The following TBC1D22A variants were observed in gnomAD, a reference collection of about 807,000 sequenced individuals.
TBC1D22A encodes the protein putative GTPase activator.
TBC1D22A carries 38 observed loss-of-function variants against 60.2 expected under a neutral mutation model. The ratio of observed to expected loss-of-function variants is 0.63; its 90% CI spans 0.49 to 0.83. TBC1D22A has a LOEUF of 0.83. Among genes scored for constraint, TBC1D22A ranks in the 40% least tolerant of loss-of-function variants. The probability of loss-of-function intolerance (pLI) is 0.00; values close to 1 mark genes in which losing one functional copy is unlikely to be tolerated. For synonymous variants in TBC1D22A, 302 were observed against 281.7 expected (o/e 1.07, Z -0.72); for missense variants, 628 against 701.0 (o/e 0.90, Z 1.18).
intron 12 of TBC1D22A, among the ~76,000 whole-genome samples, chr22:47,121,716 T>A (rs548975307): frequency 0.013 from 1,840 of 143,550 alleles, 36 homozygotes; most frequent in African/African-American, 0.048. Flanking sequence ...GAAAAAAAAT[T>A]TTTTTTTTTT....
rs561227717 is a variant in TBC1D22A, at chr22:47,154,188, G to A, written c.1426-19310G>A. Among the ~76,000 whole-genome samples, 273 of 152,224 alleles carry A rather than the reference G, an allele frequency of 1.8e-3. 1 individual carries two copies. Among genetic ancestry groups the A allele is most frequent in the Admixed American group, 4.6e-3 (71 of 15,302 alleles). On this transcript the variant is annotated intron_variant, in intron 12 of 12. Transcript: ENST00000337137. Reference sequence around the variant, plus strand: ...GCTGTTGAGGAACAGACATGTCCCCGGAGCAGGGCGGTCCTGTGTGCCCCT... The same window carrying A: ...GCTGTTGAGGAACAGACATGTCCCCAGAGCAGGGCGGTCCTGTGTGCCCCT...
At position 46,775,003 on chromosome 22, in the gene TBC1D22A, A is replaced by G. The variant is rs554655693; in HGVS notation, c.62+12155A>G. On this transcript the variant is annotated intron_variant, in intron 1 of 12. Transcript: ENST00000337137. ...TTTATCAAACATTTTTACTAAACTAAAAAATAAAATAGGCTTGCTGGCTCT... is the reference window on the plus strand; with the variant it reads ...TTTATCAAACATTTTTACTAAACTAGAAAATAAAATAGGCTTGCTGGCTCT... 5.9e-5 allele frequency among the ~76,000 whole-genome samples: 9 copies of G among 152,348 alleles called. No homozygotes were observed. The South Asian group carries it at 1.9e-3, about 32-fold the overall frequency.
intron 4 of TBC1D22A, among the ~76,000 whole-genome samples, chr22:46,854,553 T>C (rs2087468092): frequency 6.6e-6 from 1 of 152,092 alleles, no homozygotes; most frequent in Admixed American, 6.5e-5. Context: ...CCTGTTCTTG[T>C]TGTTTCCGGA....
At chr22:46,814,719 T>C (rs181607690) in intron 4 of TBC1D22A, among the ~76,000 whole-genome samples, 3 of 152,194 alleles carry the variant, frequency 2.0e-5, no homozygotes, top group Non-Finnish European at 2.9e-5. Flanking sequence ...AGGTCCCGGC[T>C]CACTGCAACC....
At chr22:47,102,564 T>A (rs1383887669) in intron 11 of TBC1D22A, among the ~76,000 whole-genome samples, 1 of 152,246 alleles carries the variant, frequency 6.6e-6, no homozygotes. Context: ...GAGTTTTTTA[T>A]TTATTAAATT....
At chr22:46,790,867 T>C (rs2084374364) in intron 1 of TBC1D22A, among the ~76,000 whole-genome samples, 2 of 152,190 alleles carry the variant, frequency 1.3e-5, no homozygotes, top group Admixed American at 6.5e-5. Context: ...GAGGTTATCA[T>C]AGTTGTGTGC....
At chr22:47,134,507 A>C (rs1159710034) in intron 12 of TBC1D22A, among the ~76,000 whole-genome samples, 1 of 152,238 alleles carries the variant, frequency 6.6e-6, no homozygotes, top group Non-Finnish European at 1.5e-5. Context: ...GCCAGTGTTG[A>C]CAGGCAGCGA....
intron 4 of TBC1D22A, among the ~76,000 whole-genome samples, chr22:46,849,748 A>C (rs1266425265): frequency 6.6e-6 from 1 of 152,194 alleles, no homozygotes; most frequent in Non-Finnish European, 1.5e-5. Context: ...CAACGACAAA[A>C]TGAGGTGCCG....
At chr22:46,765,967 G>A (rs1346421151) in intron 1 of TBC1D22A, among the ~76,000 whole-genome samples, 1 of 110,850 alleles carries the variant, frequency 9.0e-6, no homozygotes, top group Non-Finnish European at 1.8e-5. Context: ...ATGTGTGTGT[G>A]TGTGTGTGTG....
chr22:46,880,445 T>C (rs2067795761), intron 5 of TBC1D22A, among the ~76,000 whole-genome samples: 1 of 152,196 alleles, frequency 6.6e-6, no homozygotes, highest in Non-Finnish European at 1.5e-5. Context: ...AGCATTTTCC[T>C]TCACAAGAGA....
chr22:46,932,324 C>T (rs953645988), intron 8 of TBC1D22A, among the ~76,000 whole-genome samples: 8 of 152,364 alleles, frequency 5.3e-5, no homozygotes, highest in African/African-American at 1.7e-4. Flanking sequence ...ATGGTTTCTC[C>T]ACCAGCTTGT....
chr22:46,819,863 G>T (rs1157117934), intron 4 of TBC1D22A, among the ~76,000 whole-genome samples: 1 of 152,142 alleles, frequency 6.6e-6, no homozygotes, highest in African/African-American at 2.4e-5. Context: ...AATTTGTCTG[G>T]TCCTGGACTT....
At chr22:47,049,076 G>A (rs575471557) in intron 11 of TBC1D22A, among the ~76,000 whole-genome samples, 17 of 152,200 alleles carry the variant, frequency 1.1e-4, no homozygotes, top group African/African-American at 3.9e-4. Flanking sequence ...GTGACCTTTC[G>A]TTAATGGCCG....
intron 12 of TBC1D22A, among the ~76,000 whole-genome samples, chr22:47,152,439 G>A (rs1664845208): frequency 6.6e-6 from 1 of 152,076 alleles, no homozygotes; most frequent in South Asian, 2.1e-4. Context: ...GGCGGGCGTC[G>A]GTGGCTGGTC....
At chr22:46,912,916 A>G (rs1048030542) in intron 8 of TBC1D22A, among the ~76,000 whole-genome samples, 1 of 152,214 alleles carries the variant, frequency 6.6e-6, no homozygotes, top group African/African-American at 2.4e-5. Flanking sequence ...TATTTTGCTT[A>G]CAAGCTGAAA....
intron 11 of TBC1D22A, among the ~76,000 whole-genome samples, chr22:47,040,736 G>A (rs1023315437): frequency 6.6e-6 from 1 of 152,132 alleles, no homozygotes. Context: ...GCTGGGGTAG[G>A]CCGTGGAATG....
intron 8 of TBC1D22A, among the ~76,000 whole-genome samples, chr22:46,972,193 C>G (rs2074092191): frequency 6.6e-6 from 1 of 152,218 alleles, no homozygotes; most frequent in East Asian, 1.9e-4. Context: ...CCATCCATTT[C>G]CCCATGCCAC....
At chr22:46,931,170 T>A (rs1334633509) in intron 8 of TBC1D22A, among the ~76,000 whole-genome samples, 2 of 152,154 alleles carry the variant, frequency 1.3e-5, no homozygotes, top group African/African-American at 2.4e-5. Context: ...AATCAAAGGA[T>A]TCCTTTCTCC....
intron 8 of TBC1D22A, among the ~76,000 whole-genome samples, chr22:46,928,123 C>G (rs1445447984): frequency 2.1e-5 from 1 of 47,766 alleles, no homozygotes. Flanking sequence ...CCGTAACAGT[C>G]TTGAAAAAAA....
Sources: allele counts gnomAD v4.1 joint callset (sites outside exome capture counted in the v4.1 genomes callset), GRCh38; gene constraint gnomAD v4.1.1; transcripts MANE v1.5; gene names NCBI Gene and HGNC (gene_info 2026-07-23, HGNC 2026-07-21).